KCTD16: variants seen among roughly 807,000 people sequenced by gnomAD.
The protein encoded by KCTD16 is BTB/POZ domain-containing protein KCTD16.
KCTD16 carries 13 observed loss-of-function variants against 33.2 expected under a neutral mutation model. The observed-to-expected ratio is 0.39, with a 90% CI of 0.25 to 0.62. KCTD16 has a LOEUF of 0.62. KCTD16 is among the 20% of genes least tolerant of loss of function. The probability of loss-of-function intolerance (pLI) is 0.50; values close to 1 mark genes in which losing one functional copy is unlikely to be tolerated. For missense variants in KCTD16, 441 were observed against 525.1 expected, an observed-to-expected ratio of 0.84 and a Z score of 1.57; for synonymous variants, 197 against 195.3, an observed-to-expected ratio of 1.01 and a Z score of -0.07.
chr5:144,275,096 A>T (rs1479779589), intron 3 of KCTD16, among the ~76,000 whole-genome samples: 1 of 152,202 alleles, frequency 6.6e-6, no homozygotes, highest in Non-Finnish European at 1.5e-5. Context: ...AACACATTTA[A>T]ATGCAAATTG....
intron 3 of KCTD16, among the ~76,000 whole-genome samples, chr5:144,338,045 G>T (rs1035416370): frequency 6.6e-6 from 1 of 152,134 alleles, no homozygotes; most frequent in African/African-American, 2.4e-5. Flanking sequence ...AACGTCAGAG[G>T]GCAATGGAAC....
intron 3 of KCTD16, among the ~76,000 whole-genome samples, chr5:144,472,905 G>A (rs1358182910): frequency 6.6e-6 from 1 of 152,214 alleles, no homozygotes; most frequent in Non-Finnish European, 1.5e-5. Context: ...GAATAAAATG[G>A]TTAATTGGCA....
At chr5:144,442,450 C>CTTCCTTCTTTCTTTCT (rs1554095074) in intron 3 of KCTD16, among the ~76,000 whole-genome samples, 7 of 147,762 alleles carry the variant, frequency 4.7e-5, no homozygotes, top group Non-Finnish European at 1.0e-4. Flanking sequence ...TCTTTTCTTT[C>CTTCCTTCTTTCTTTCT]TTCTTTCTTT....
chr5:144,290,826 C>T (rs1234107150), intron 3 of KCTD16, among the ~76,000 whole-genome samples: 1 of 152,316 alleles, frequency 6.6e-6, no homozygotes, highest in East Asian at 1.9e-4. Context: ...ATCCCTTGAA[C>T]TCTGACTTCA....
chr5:144,179,431 T>C (rs1752573102), intron 2 of KCTD16, among the ~76,000 whole-genome samples: 1 of 152,248 alleles, frequency 6.6e-6, no homozygotes, highest in Non-Finnish European at 1.5e-5. Flanking sequence ...ACTCTGCTCC[T>C]GAGTGTAACC....
chr5:144,440,015 A>G (rs1753668771), intron 3 of KCTD16, among the ~76,000 whole-genome samples: 5 of 152,132 alleles, frequency 3.3e-5, no homozygotes, highest in Admixed American at 3.3e-4. Context: ...ACAGAGCAAA[A>G]TGCATTACTT....
chr5:144,177,882 T>C (rs1472284659), intron 2 of KCTD16, among the ~76,000 whole-genome samples: 1 of 152,244 alleles, frequency 6.6e-6, no homozygotes. Context: ...CTAAGTCTTT[T>C]GCTACACACA....
chr5:144,187,250 G>T (rs886461774), intron 2 of KCTD16, among the ~76,000 whole-genome samples: 1 of 151,966 alleles, frequency 6.6e-6, no homozygotes, highest in South Asian at 2.1e-4. Flanking sequence ...ATAATGCATT[G>T]TACTGGCTCA....
intron 3 of KCTD16, among the ~76,000 whole-genome samples, chr5:144,380,087 A>G (rs1752177766): frequency 6.6e-6 from 1 of 152,224 alleles, no homozygotes; most frequent in Non-Finnish European, 1.5e-5. Flanking sequence ...ATACCTAGAA[A>G]ACCCCATAGT....
At chr5:144,244,382 G>T (rs748432707) in intron 3 of KCTD16, among the ~76,000 whole-genome samples, 1 of 152,172 alleles carries the variant, frequency 6.6e-6, no homozygotes, top group Admixed American at 6.5e-5. Context: ...ATAACAAAGT[G>T]CTAAATTGCA....
At chr5:144,330,238 C>A (rs1050542634) in intron 3 of KCTD16, among the ~76,000 whole-genome samples, 1 of 151,822 alleles carries the variant, frequency 6.6e-6, no homozygotes, top group Non-Finnish European at 1.5e-5. Context: ...TATGGTGAAA[C>A]CCCGTCTCTA....
Position 144,473,823 on chromosome 5 carries a change from C to A in KCTD16, c.996C>A (p.Pro332=). Residue 332 remains proline (P), a synonymous_variant, in exon 4 of 4, where the codon CCC becomes CCA. Transcript: ENST00000512467. ...CCCAGGAGACGGTCATCTGTGGTCC[C>A]GTGACACGCCAGACCAACATCCAGA... ...SSPQETVICG[P]VTRQTNIQTL... is the part of the protein sequence containing the mutation. 6.2e-7 allele frequency: 1 copy of A among 1,614,074 alleles called. No individual in the cohort carries two copies. Among genetic ancestry groups the A allele is most frequent in the Non-Finnish European group, 8.5e-7 (1 of 1,179,992 alleles).
rs373669684 is a variant in KCTD16 at position 144,207,296 on chromosome 5, T to G, written c.582T>G (p.Val194=). ...AKFRRVPRIL[V]CGRISLAKEV... is the part of the protein sequence containing the mutation. ...TTCGGAGAGTTCCCCGGATTTTGGT[T>G]TGTGGAAGGATTTCCTTGGCAAAAG... Residue 194 remains valine, a synonymous_variant, in exon 3 of 4, where the codon GTT becomes GTG. Transcript: ENST00000512467. 5.0e-6 allele frequency: 8 copies of G among 1,614,064 alleles called. No individual in the cohort carries two copies. The highest frequency in any genetic ancestry group is 3.3e-5 in the Admixed American group (2 of 60,004).
chr5:144,435,165 T>G (rs1398789654), intron 3 of KCTD16, among the ~76,000 whole-genome samples: 1 of 152,224 alleles, frequency 6.6e-6, no homozygotes, highest in East Asian at 1.9e-4. Context: ...GATTATATTT[T>G]AAAAGCCCTG....
chr5:144,345,484 C>T lies in KCTD16; in HGVS notation c.833-128176C>T, dbSNP rs190389749. Among the ~76,000 whole-genome samples the T allele has an allele frequency of 5.3e-5, 8 of 152,208 alleles. No homozygotes were observed. The East Asian group carries it at 1.5e-3, about 29-fold the overall frequency. On this transcript the variant is annotated intron_variant, in intron 3 of 3. Coordinates refer to ENST00000512467, the MANE Select transcript of KCTD16 (RefSeq NM_020768.4). The stretch of plus-strand genomic sequence containing the variant: ...TTTCAGTCTGTAAGTTTGTTTTTCT[C>T]AACCACATTATTTATCTTTTATTCT...
At chr5:144,463,099 G>A (rs1368497678) in intron 3 of KCTD16, among the ~76,000 whole-genome samples, 1 of 152,098 alleles carries the variant, frequency 6.6e-6, no homozygotes, top group Admixed American at 6.5e-5. Flanking sequence ...CTTTGTCCCT[G>A]AGCCAAGAGG....
chr5:144,459,996 C>A (rs1754158201), intron 3 of KCTD16, among the ~76,000 whole-genome samples: 1 of 151,850 alleles, frequency 6.6e-6, no homozygotes, highest in Non-Finnish European at 1.5e-5. Flanking sequence ...CCACGCCTGG[C>A]TAATTTTTTG....
chr5:144,471,550 A>G (rs1166726920), intron 3 of KCTD16, among the ~76,000 whole-genome samples: 1 of 152,178 alleles, frequency 6.6e-6, no homozygotes, highest in East Asian at 1.9e-4. Context: ...CATTGGAACC[A>G]TTTCTCAGTT....
chr5:144,424,495 GTT>G (rs1383527758), intron 3 of KCTD16, among the ~76,000 whole-genome samples: 42 of 152,136 alleles, frequency 2.8e-4, no homozygotes, highest in African/African-American at 9.2e-4. Flanking sequence ...TCCTTAAGCA[GTT>G]TGCACTGGCT....
Sources: gnomAD v4.1 joint callset for allele counts (sites outside exome capture counted in the v4.1 genomes callset) on GRCh38, gnomAD v4.1.1 for gene constraint, MANE v1.5 for transcripts, NCBI Gene and HGNC (gene_info 2026-07-23, HGNC 2026-07-21) for gene names.